Variants in RBPMS observed in about 807,000 individuals in gnomAD.
RBPMS encodes RNA binding protein, mRNA processing factor, also known as RNA-binding protein with multiple splicing.
A neutral mutation model predicts 26.8 loss-of-function variants in RBPMS; 7 were observed. The ratio of observed to expected loss-of-function variants is 0.26; its 90% CI spans 0.15 to 0.49. RBPMS has a LOEUF of 0.49. Ranked by LOEUF, RBPMS falls within the 20% of genes least tolerant of loss-of-function variation. The pLI is 0.98. For synonymous variants in RBPMS, 96 were observed against 93.3 expected, an observed-to-expected ratio of 1.03 and a Z score of -0.17; for missense variants, 186 against 250.0, an observed-to-expected ratio of 0.74 and a Z score of 1.73.
rs1181985409 is a variant in RBPMS, at chr8:30,504,867, G to A, written c.397+431G>A. 1.1e-4 allele frequency among the ~76,000 whole-genome samples: 16 copies of A among 152,102 alleles called. 1 individual carries two copies. The highest frequency in any genetic ancestry group is 9.2e-4 in the Admixed American group (14 of 15,260). On this transcript the variant is annotated intron_variant, in intron 5 of 8. Transcript: ENST00000397323. ...TAAAAGAGAAAGAAGCAGATCTTGGGAATTTGGTTCTATTCAGTTTAGCCA... is the reference window on the plus strand; with the variant it reads ...TAAAAGAGAAAGAAGCAGATCTTGGAAATTTGGTTCTATTCAGTTTAGCCA...
At chr8:30,558,602 C>T (rs1827175108) in intron 6 of RBPMS, 2 of 529,756 alleles carry the variant, frequency 3.8e-6, no homozygotes, top group Non-Finnish European at 6.9e-6. Context: ...GGCTGCTAAC[C>T]TTTAAAAGGA....
intron 1 of RBPMS, among the ~76,000 whole-genome samples, chr8:30,432,329 A>C (rs150158049): frequency 6.6e-6 from 1 of 152,298 alleles, no homozygotes; most frequent in African/African-American, 2.4e-5. Context: ...ACTGCAGACA[A>C]GTTAGCCCTG....
chr8:30,525,278 A>G (rs16877121), intron 5 of RBPMS, among the ~76,000 whole-genome samples: 2,859 of 152,322 alleles, frequency 0.019, 79 homozygotes, highest in African/African-American at 0.06. Context: ...ACAAATGCCA[A>G]AAGAGATATG....
intron 5 of RBPMS, among the ~76,000 whole-genome samples, chr8:30,543,022 T>C (rs2151043246): frequency 6.6e-6 from 1 of 152,306 alleles, no homozygotes; most frequent in African/African-American, 2.4e-5. Flanking sequence ...AGGCAGTCTG[T>C]CTTTCTATCA....
rs148958035 is a variant in RBPMS at position 30,420,988 on chromosome 8, C to T, written c.66+35830C>T. Among the ~76,000 whole-genome samples the T allele has an allele frequency of 5.0e-3, 767 of 152,268 alleles. 13 individuals carry two copies. The highest frequency in any genetic ancestry group is 0.017 in the African/African-American group (710 of 41,560). On this transcript the variant is annotated intron_variant, in intron 1 of 8. Coordinates refer to ENST00000397323, the MANE Select transcript of RBPMS (RefSeq NM_001008710.3). Reference sequence around the variant, plus strand: ...CATTATCAGTTAAAAGTTTAAAATACTTACCTATTTGAAGTCATGAAAATG... The same window carrying T: ...CATTATCAGTTAAAAGTTTAAAATATTTACCTATTTGAAGTCATGAAAATG...
chr8:30,449,369 C>CTTTTTTTTTTTTTT (rs5890522), intron 1 of RBPMS, among the ~76,000 whole-genome samples: 1 of 106,510 alleles, frequency 9.4e-6, no homozygotes, highest in African/African-American at 4.0e-5. Flanking sequence ...CACATCTCCT[C>CTTTTTTTTTTTTTT]TTTTTTTTTT....
At chr8:30,552,162 G>A (rs1055759342) in intron 6 of RBPMS, among the ~76,000 whole-genome samples, 2 of 152,136 alleles carry the variant, frequency 1.3e-5, no homozygotes, top group African/African-American at 4.8e-5. Context: ...TGGCTGTGGC[G>A]TATACCGAGA....
chr8:30,469,574 C>T (rs78366413), intron 1 of RBPMS, among the ~76,000 whole-genome samples: 2,656 of 152,342 alleles, frequency 0.017, 42 homozygotes, highest in Middle Eastern at 0.031. Context: ...ACAAAGCTGT[C>T]AGCAGTTTCA....
At chr8:30,390,067 G>A (rs1050911940) in intron 1 of RBPMS, among the ~76,000 whole-genome samples, 2 of 152,200 alleles carry the variant, frequency 1.3e-5, no homozygotes, top group African/African-American at 2.4e-5. Flanking sequence ...TCAAATAAAT[G>A]TATATTCATT....
chr8:30,532,699 T>C (rs1313004074), intron 5 of RBPMS, among the ~76,000 whole-genome samples: 1 of 152,158 alleles, frequency 6.6e-6, no homozygotes, highest in Non-Finnish European at 1.5e-5. Flanking sequence ...AGGAAGTCAT[T>C]TGTTCTTTTC....
chr8:30,384,971 C>A lies in RBPMS; in HGVS notation c.-122C>A. The A allele has an allele frequency of 1.6e-6, 1 of 624,974 alleles. No homozygotes were observed. The highest frequency in any genetic ancestry group is 2.4e-6 in the Non-Finnish European group (1 of 414,098). The allele number at this position is 624,974 out of a possible 1,614,324, so 38.7% of individuals were successfully genotyped here. ...ACTGCCCCGGCTCCAGCTCCAGCCC[C>A]ACAGCCCGCGGCGCCCGCCCGAGGG... On this transcript the variant is annotated 5_prime_UTR_variant, in exon 1 of 9. Transcript: ENST00000397323. The surrounding 1 kb of genome is among the most constrained non-coding windows in gnomAD (Gnocchi z 5.6).
intron 1 of RBPMS, among the ~76,000 whole-genome samples, chr8:30,390,165 G>A (rs530025930): frequency 9.9e-5 from 15 of 152,084 alleles, no homozygotes; most frequent in Non-Finnish European, 1.8e-4. Context: ...TTAAGTTTTC[G>A]AAAATGACCA....
intron 5 of RBPMS, among the ~76,000 whole-genome samples, chr8:30,519,229 G>T (rs1018059411): frequency 1.3e-5 from 2 of 151,918 alleles, no homozygotes; most frequent in Admixed American, 6.6e-5. Flanking sequence ...TCTCATACTG[G>T]TAAATATACC....
chr8:30,413,698 C>T lies in RBPMS; in HGVS notation c.66+28540C>T, dbSNP rs1047638736. Among the ~76,000 whole-genome samples the T allele has an allele frequency of 2.4e-4, 36 of 152,006 alleles. 1 individual carries two copies. The highest frequency in any genetic ancestry group is 2.4e-3 in the Admixed American group (36 of 15,264). On this transcript the variant is annotated intron_variant, in intron 1 of 8. Coordinates refer to ENST00000397323, the MANE Select transcript of RBPMS (RefSeq NM_001008710.3). ...CATGATCTCGGCTCAGTGCAACCTC[C>T]GCCTCCCCAGGTTCAAGCAATTCTC...
At chr8:30,439,975 A>C (rs939562777) in intron 1 of RBPMS, among the ~76,000 whole-genome samples, 2 of 152,196 alleles carry the variant, frequency 1.3e-5, no homozygotes, top group Non-Finnish European at 2.9e-5. Flanking sequence ...CCAGGAGTTC[A>C]AGACCAGCCT....
intron 5 of RBPMS, among the ~76,000 whole-genome samples, chr8:30,510,300 C>T (rs1474390477): frequency 6.6e-6 from 1 of 152,042 alleles, no homozygotes; most frequent in African/African-American, 2.4e-5. Flanking sequence ...GATTCATAGG[C>T]CTTTATTTAA....
chr8:30,422,949 A>G (rs1316076492), intron 1 of RBPMS, among the ~76,000 whole-genome samples: 2 of 152,232 alleles, frequency 1.3e-5, no homozygotes, highest in Non-Finnish European at 2.9e-5. Context: ...AGGGAATTCT[A>G]TGATCGCAGC....
intron 5 of RBPMS, among the ~76,000 whole-genome samples, chr8:30,536,127 TC>T (rs1824770827): frequency 4.2e-5 from 5 of 119,324 alleles, no homozygotes; most frequent in Admixed American, 7.7e-5. Context: ...ATCATCTCTC[TC>T]TTTTTTTTTT....
intron 5 of RBPMS, among the ~76,000 whole-genome samples, chr8:30,530,819 T>A (rs1465894531): frequency 6.6e-6 from 1 of 152,134 alleles, no homozygotes; most frequent in African/African-American, 2.4e-5. Context: ...CCTATGAGAA[T>A]AGGTACTACT....
Sources: allele counts gnomAD v4.1 joint callset (sites outside exome capture counted in the v4.1 genomes callset), GRCh38; gene constraint gnomAD v4.1.1; non-coding constraint Gnocchi (gnomAD v3.1); transcripts MANE v1.5; gene names NCBI Gene and HGNC (gene_info 2026-07-23, HGNC 2026-07-21).